The following FAM162A variants were observed in gnomAD, a reference collection of about 807,000 sequenced individuals.
The protein encoded by FAM162A is family with sequence similarity 162 member A, also known as protein FAM162A.
FAM162A carries 23 observed loss-of-function variants against 21.8 expected under a neutral mutation model. The observed-to-expected ratio is 1.05, with a 90% confidence interval of 0.76 to 1.49. FAM162A has a LOEUF of 1.49. Ranked by LOEUF, FAM162A falls within the 40% of genes most tolerant of loss-of-function variation. The probability of loss-of-function intolerance (pLI) is 0.00; values close to 1 mark genes in which losing one functional copy is unlikely to be tolerated. For synonymous variants in FAM162A, 53 were observed against 61.3 expected, an observed-to-expected ratio of 0.86 and a Z score of 0.64; for missense variants, 165 against 186.4, an observed-to-expected ratio of 0.89 and a Z score of 0.67.
chr3:122,408,536 G>A (rs561164494), intron 4 of FAM162A, among the ~76,000 whole-genome samples: 2 of 152,266 alleles, frequency 1.3e-5, no homozygotes, highest in African/African-American at 4.8e-5. Flanking sequence ...TGGAAATACT[G>A]ACCATTTTAG....
intron 4 of FAM162A, among the ~76,000 whole-genome samples, chr3:122,409,334 T>C (rs1289453980): frequency 6.6e-6 from 1 of 151,970 alleles, no homozygotes; most frequent in African/African-American, 2.4e-5. Context: ...GATCTGAGTA[T>C]GCAGATAAGT....
intron 1 of FAM162A, among the ~76,000 whole-genome samples, chr3:122,391,219 G>T (rs1050535552): frequency 1.3e-5 from 2 of 151,976 alleles, no homozygotes; most frequent in African/African-American, 2.4e-5. Context: ...TTGAGAGAAG[G>T]TCTGGCATTA....
chr3:122,392,809 A>C (rs1255635768), intron 1 of FAM162A, among the ~76,000 whole-genome samples: 1 of 152,218 alleles, frequency 6.6e-6, no homozygotes, highest in African/African-American at 2.4e-5. Flanking sequence ...ATAACTGCAT[A>C]ATTAACTTTG....
At chr3:122,404,786 C>G (rs55853918) in intron 3 of FAM162A, among the ~76,000 whole-genome samples, 2,917 of 152,078 alleles carry the variant, frequency 0.019, 65 homozygotes, top group South Asian at 0.1. Flanking sequence ...AAGAGTGCTT[C>G]CTGTCACCAA....
chr3:122,393,421 G>C (rs1008337544), intron 1 of FAM162A, among the ~76,000 whole-genome samples: 12 of 151,804 alleles, frequency 7.9e-5, no homozygotes, highest in Non-Finnish European at 1.6e-4. Flanking sequence ...CTTTATTCCT[G>C]TCTTCTTTCA....
intron 1 of FAM162A, among the ~76,000 whole-genome samples, chr3:122,393,559 T>C (rs1227560995): frequency 1.3e-5 from 2 of 152,300 alleles, no homozygotes; most frequent in East Asian, 3.9e-4. Context: ...CTGCAGAGAA[T>C]TGTTACTATT....
rs759296835 is a variant in FAM162A, at chr3:122,409,844, T to A, written c.*13T>A. ...CAAAACAGAGTAGCAGAGGTATCCG[T>A]GTTGGCTGGATTTTGAAAATCCAGG... On this transcript the variant is annotated 3_prime_UTR_variant, in exon 5 of 5. Transcript: ENST00000477892. The A allele has an allele frequency of 6.2e-7, 1 of 1,610,302 alleles. No individual in the cohort carries two copies. Among genetic ancestry groups the A allele is most frequent in the Non-Finnish European group, 8.5e-7 (1 of 1,176,726 alleles).
chr3:122,397,394 A>G (rs149306520), intron 1 of FAM162A, among the ~76,000 whole-genome samples: 1 of 152,098 alleles, frequency 6.6e-6, no homozygotes. Context: ...TTTATCTATT[A>G]GCAAATTCAT....
intron 1 of FAM162A, among the ~76,000 whole-genome samples, chr3:122,395,882 A>G (rs2075624671): frequency 6.6e-6 from 1 of 152,220 alleles, no homozygotes; most frequent in African/African-American, 2.4e-5. Context: ...TAGTCCAGAA[A>G]TATACTCTCA....
chr3:122,395,927 A>T (rs2075624979), intron 1 of FAM162A, among the ~76,000 whole-genome samples: 1 of 152,182 alleles, frequency 6.6e-6, no homozygotes, highest in Admixed American at 6.5e-5. Context: ...TATGGCGCTA[A>T]AACAACTCAG....
chr3:122,401,431 GGA>G, intron 1 of FAM162A: 1 of 1,122,234 alleles, frequency 8.9e-7, no homozygotes, highest in Non-Finnish European at 1.1e-6. Flanking sequence ...TGGGTGACAG[GGA>G]GAGAGATCAG....
rs769392308 is a variant in FAM162A, at chr3:122,411,221, A to T, written c.*1390A>T. 2.6e-5 allele frequency: 4 copies of T among 152,186 alleles called. No individual in the cohort carries two copies. Among genetic ancestry groups the T allele is most frequent in the Non-Finnish European group, 5.9e-5 (4 of 68,028 alleles). The allele number at this position is 152,186 out of a possible 1,614,324, so 9.4% of individuals were successfully genotyped here. A position where few individuals can be genotyped will look rare whatever the true frequency, so the allele number is the denominator to read the frequency against. The stretch of plus-strand genomic sequence containing the variant: ...TGGGCACTTTCTTCCCAAATAAAAT[A>T]CCCAGTAAAATGTAACATACTACCT... On this transcript the variant is annotated 3_prime_UTR_variant, in exon 5 of 5. Coordinates refer to ENST00000477892, the MANE Select transcript of FAM162A (RefSeq NM_014367.4).
chr3:122,409,961 A>T lies in FAM162A; in HGVS notation c.*130A>T. 1 of 787,210 alleles carries T rather than the reference A, an allele frequency of 1.3e-6. No homozygotes were observed. Among genetic ancestry groups the T allele is most frequent in the Admixed American group, 2.0e-5 (1 of 49,708 alleles). 48.8% of individuals were successfully genotyped at this position (787,210 alleles called of 1,614,324 possible). On this transcript the variant is annotated 3_prime_UTR_variant, in exon 5 of 5. Transcript: ENST00000477892. ...TTGCCCAAACCTGTACCATTTCCGT[A>T]TTTCTGCTGTAGAAGTAGAAATAAA...
At chr3:122,385,403 G>GTTTTGTTGAACTAA (rs1314774256) in intron 1 of FAM162A, among the ~76,000 whole-genome samples, 5 of 152,106 alleles carry the variant, frequency 3.3e-5, no homozygotes, top group African/African-American at 1.2e-4. Context: ...GATTTTGTCA[G>GTTTTGTTGAACTAA]TTTTGTTGAA....
chr3:122,396,504 A>G (rs2075628309), intron 1 of FAM162A, among the ~76,000 whole-genome samples: 1 of 152,216 alleles, frequency 6.6e-6, no homozygotes, highest in African/African-American at 2.4e-5. Context: ...AAATGTGGGT[A>G]TGGATGTGAA....
At chr3:122,384,779 C>T (rs1202904277) in intron 1 of FAM162A, among the ~76,000 whole-genome samples, 1 of 152,112 alleles carries the variant, frequency 6.6e-6, no homozygotes, top group Non-Finnish European at 1.5e-5. Flanking sequence ...TCTGATTAGG[C>T]CAAGGATTTA....
chr3:122,396,635 A>G (rs2075628901), intron 1 of FAM162A, among the ~76,000 whole-genome samples: 1 of 152,206 alleles, frequency 6.6e-6, no homozygotes, highest in Non-Finnish European at 1.5e-5. Flanking sequence ...CCCTTAGTAT[A>G]TACCCCACAA....
intron 1 of FAM162A, among the ~76,000 whole-genome samples, chr3:122,399,658 T>A (rs1395751207): frequency 1.3e-5 from 2 of 152,236 alleles, no homozygotes; most frequent in Non-Finnish European, 2.9e-5. Context: ...ATGGCATTGC[T>A]GGGTCTAATG....
chr3:122,390,194 A>G (rs1171342013), intron 1 of FAM162A, among the ~76,000 whole-genome samples: 1 of 152,190 alleles, frequency 6.6e-6, no homozygotes, highest in Non-Finnish European at 1.5e-5. Context: ...AACATTTGGC[A>G]GGAAAAAGGC....
Sources: allele counts gnomAD v4.1 joint callset (sites outside exome capture counted in the v4.1 genomes callset), GRCh38; gene constraint gnomAD v4.1.1; transcripts MANE v1.5; gene names NCBI Gene and HGNC (gene_info 2026-07-23, HGNC 2026-07-21).